The following POU2AF2 variants were observed in gnomAD, a reference collection of about 807,000 sequenced individuals.
The protein encoded by POU2AF2 is POU class 2 homeobox associating factor 2, also known as POU domain class 2-associating factor 2.
chr11:111,276,453 AATATATATATATATATAT>A, the POU2AF2 span, among the ~76,000 whole-genome samples: 1 of 37,676 alleles, frequency 2.7e-5, no homozygotes, highest in East Asian at 1.2e-3. Context: ...AAAAAAAAAA[AATATATATATATATATAT>A]ATATATATAT....
the POU2AF2 span, among the ~76,000 whole-genome samples, chr11:111,276,451 A>ATATATATATATAT: frequency 9.5e-5 from 4 of 41,958 alleles, no homozygotes; most frequent in African/African-American, 1.5e-4. Flanking sequence ...AAAAAAAAAA[A>ATATATATATATAT]AAATATATAT....
At chr11:111,245,764 G>A in the POU2AF2 span, 1 of 398,630 alleles carries the variant, frequency 2.5e-6, no homozygotes, top group Non-Finnish European at 4.4e-6. Context: ...GAGCTTTCTA[G>A]CAGACCAGGA....
At chr11:111,278,566 C>G in the POU2AF2 span, among the ~76,000 whole-genome samples, 2 of 81,798 alleles carry the variant, frequency 2.4e-5, no homozygotes, top group African/African-American at 7.5e-5. Context: ...GTCTCTCTCT[C>G]TCTCTCTCTC....
At chr11:111,267,614 C>T in the POU2AF2 span, among the ~76,000 whole-genome samples, 1 of 152,202 alleles carries the variant, frequency 6.6e-6, no homozygotes, top group African/African-American at 2.4e-5. Context: ...CTTTAGAAGG[C>T]AGAGACAATA....
At chr11:111,281,130 G>A in the POU2AF2 span, among the ~76,000 whole-genome samples, 1 of 152,314 alleles carries the variant, frequency 6.6e-6, no homozygotes, top group South Asian at 2.1e-4. Context: ...TGGAACAGTA[G>A]AAGATGAAGG....
At chr11:111,286,400 C>T in the POU2AF2 span, 3 of 207,040 alleles carry the variant, frequency 1.4e-5, no homozygotes, top group African/African-American at 7.1e-5. Flanking sequence ...TTATGCAGAT[C>T]ATAAAAGATA....
chr11:111,259,409 G>A, the POU2AF2 span, among the ~76,000 whole-genome samples: 31 of 149,376 alleles, frequency 2.1e-4, no homozygotes, highest in South Asian at 8.5e-4. Flanking sequence ...TCTGCCTCCC[G>A]GGCTCAAGCA....
At chr11:111,259,179 A>G in the POU2AF2 span, among the ~76,000 whole-genome samples, 1 of 152,172 alleles carries the variant, frequency 6.6e-6, no homozygotes, top group East Asian at 1.9e-4. Context: ...TTTGATAGAC[A>G]CACTAACCCC....
chr11:111,270,851 A>G, the POU2AF2 span, among the ~76,000 whole-genome samples: 3 of 152,106 alleles, frequency 2.0e-5, 1 homozygote, highest in Middle Eastern at 6.3e-3. Context: ...AAGTGAGTAG[A>G]AATGGCACCT....
the POU2AF2 span, among the ~76,000 whole-genome samples, chr11:111,277,291 A>G: frequency 1.3e-5 from 2 of 152,246 alleles, no homozygotes; most frequent in Non-Finnish European, 2.9e-5. Context: ...AGTAATAAAT[A>G]AAATCCACTA....
At chr11:111,248,146 A>G in the POU2AF2 span, among the ~76,000 whole-genome samples, 1 of 151,804 alleles carries the variant, frequency 6.6e-6, no homozygotes, top group Non-Finnish European at 1.5e-5. Context: ...CTTTTCTTGT[A>G]TTCTCCTGGA....
the POU2AF2 span, among the ~76,000 whole-genome samples, chr11:111,259,056 C>A: frequency 7.9e-5 from 12 of 152,026 alleles, no homozygotes; most frequent in Non-Finnish European, 1.5e-4. Context: ...AGCAACCAAG[C>A]CCTAGACTGA....
chr11:111,265,027 G>A, the POU2AF2 span, among the ~76,000 whole-genome samples: 2 of 152,028 alleles, frequency 1.3e-5, no homozygotes, highest in African/African-American at 4.8e-5. Context: ...AGCATGCCAC[G>A]AGCTAAGCTT....
chr11:111,256,338 C>CTGCCCTTTTTGAAAGAGTTTTCA, the POU2AF2 span, among the ~76,000 whole-genome samples: 1 of 152,226 alleles, frequency 6.6e-6, no homozygotes, highest in Non-Finnish European at 1.5e-5. Flanking sequence ...GCTGGTTTTC[C>CTGCCCTTTTTGAAAGAGTTTTCA]TGCCCTTTTT....
At chr11:111,270,090 A>G in the POU2AF2 span, among the ~76,000 whole-genome samples, 1 of 152,256 alleles carries the variant, frequency 6.6e-6, no homozygotes, top group Non-Finnish European at 1.5e-5. Context: ...GAAAAGCAGA[A>G]GCTCACTGAA....
the POU2AF2 span, among the ~76,000 whole-genome samples, chr11:111,275,475 G>A: frequency 6.6e-6 from 1 of 152,174 alleles, no homozygotes; most frequent in Admixed American, 6.5e-5. Context: ...TGCCAGGGTT[G>A]GGAGGCTGAA....
At chr11:111,259,181 A>G in the POU2AF2 span, among the ~76,000 whole-genome samples, 47 of 152,318 alleles carry the variant, frequency 3.1e-4, no homozygotes, top group African/African-American at 1.0e-3. Context: ...TGATAGACAC[A>G]CTAACCCCGA....
the POU2AF2 span, among the ~76,000 whole-genome samples, chr11:111,268,754 G>T: frequency 3.3e-5 from 5 of 151,610 alleles, no homozygotes; most frequent in African/African-American, 4.8e-5. Flanking sequence ...CACGGTATTG[G>T]TCAGGCCGGT....
chr11:111,265,913 T>C, the POU2AF2 span, among the ~76,000 whole-genome samples: 1 of 151,846 alleles, frequency 6.6e-6, no homozygotes, highest in African/African-American at 2.4e-5. Context: ...ACCCACATGC[T>C]GATTGAGCTA....
Sources: allele counts gnomAD v4.1 joint callset (sites outside exome capture counted in the v4.1 genomes callset), GRCh38; gene constraint gnomAD v4.1.1; transcripts MANE v1.5; gene names NCBI Gene and HGNC (gene_info 2026-07-23, HGNC 2026-07-21).